Variants in SBK1 observed in about 807,000 individuals in gnomAD.
SBK1 encodes the protein SH3 domain binding kinase 1.
SBK1 carries 11 observed loss-of-function variants against 24.4 expected under a neutral mutation model. The ratio of observed to expected loss-of-function variants is 0.45; its 90% CI spans 0.28 to 0.75. The LOEUF is 0.75. Ranked by LOEUF, SBK1 falls within the 30% of genes least tolerant of loss-of-function variation. The pLI is 0.12. For synonymous variants in SBK1, 308 were observed against 284.4 expected, an observed-to-expected ratio of 1.08 and a Z score of -0.83; for missense variants, 467 against 620.5, an observed-to-expected ratio of 0.75 and a Z score of 2.63.
chr16:28,282,262 G>A (rs1031418288), intron 1 of SBK1, among the ~76,000 whole-genome samples: 2 of 152,150 alleles, frequency 1.3e-5, no homozygotes, highest in African/African-American at 4.8e-5. Context: ...CCGGAGTTGA[G>A]GAGTGCAAGA....
At chr16:28,311,186 C>T (rs1266038466) in intron 1 of SBK1, among the ~76,000 whole-genome samples, 2 of 152,154 alleles carry the variant, frequency 1.3e-5, no homozygotes, top group Admixed American at 6.5e-5. Context: ...CCAGCCCCTG[C>T]CCCTGGGGAG....
intron 1 of SBK1, among the ~76,000 whole-genome samples, chr16:28,305,558 G>C (rs1366036645): frequency 1.4e-5 from 2 of 143,520 alleles, no homozygotes; most frequent in Non-Finnish European, 3.0e-5. Context: ...TTTTTAGAGA[G>C]ACTTTCTCTG....
chr16:28,293,188 C>T lies in SBK1; in HGVS notation c.-120C>T. 1 of 985,540 alleles carries T rather than the reference C, an allele frequency of 1.0e-6. No homozygotes were observed. The highest frequency in any genetic ancestry group is 6.1e-5 in the Admixed American group (1 of 16,286). The allele number at this position is 985,540 out of a possible 1,614,324, so 61.0% of individuals were successfully genotyped here. On this transcript the variant is annotated 5_prime_UTR_variant, in exon 1 of 4. Transcript: ENST00000341901. The stretch of plus-strand genomic sequence containing the variant: ...TTGGGCGACTGAGCCCCTGGCGGCA[C>T]CGCTTGCACCCCGGTCCATGGTCGT...
intron 1 of SBK1, among the ~76,000 whole-genome samples, chr16:28,316,127 G>T (rs369099774): frequency 6.6e-6 from 1 of 152,104 alleles, no homozygotes; most frequent in African/African-American, 2.4e-5. Flanking sequence ...GGGTGGTGAG[G>T]TCGTCTGCAG....
At chr16:28,273,649 G>C (rs770416483) in intron 1 of SBK1, among the ~76,000 whole-genome samples, 6 of 151,964 alleles carry the variant, frequency 3.9e-5, no homozygotes, top group Non-Finnish European at 8.8e-5. Context: ...ACCCAGGCTG[G>C]TCTTAAACTC....
intron 1 of SBK1, among the ~76,000 whole-genome samples, chr16:28,309,295 G>T (rs1381582846): frequency 6.6e-6 from 1 of 152,224 alleles, no homozygotes; most frequent in Non-Finnish European, 1.5e-5. Context: ...CCAGTGGGGA[G>T]CCAGTCACAT....
intron 1 of SBK1, among the ~76,000 whole-genome samples, chr16:28,281,570 G>C (rs1336806635): frequency 6.6e-6 from 1 of 152,196 alleles, no homozygotes; most frequent in African/African-American, 2.4e-5. Flanking sequence ...GGACAGGCTG[G>C]GTGGCAGGGT....
chr16:28,308,954 G>C (rs2044735947), intron 1 of SBK1, among the ~76,000 whole-genome samples: 1 of 152,004 alleles, frequency 6.6e-6, no homozygotes, highest in African/African-American at 2.4e-5. Context: ...CCCCAGATCT[G>C]AGCTCTTCTG....
chr16:28,292,436 G>T (rs1357562626), upstream of SBK1: 4 of 712,508 alleles, frequency 5.6e-6, no homozygotes, highest in South Asian at 6.1e-5. Flanking sequence ...CGAGCGGGAC[G>T]GACAAAGGGG....
chr16:28,304,995 C>T (rs2044706060), intron 1 of SBK1, among the ~76,000 whole-genome samples: 1 of 152,040 alleles, frequency 6.6e-6, no homozygotes, highest in Admixed American at 6.6e-5. Context: ...CTACAATCTC[C>T]ACCTCCCGGG....
At chr16:28,260,824 C>T (rs892310806) in intron 1 of SBK1, among the ~76,000 whole-genome samples, 1 of 152,030 alleles carries the variant, frequency 6.6e-6, no homozygotes, top group Non-Finnish European at 1.5e-5. Context: ...TCTTGATGGG[C>T]GTGGGTGCAC....
intron 1 of SBK1, among the ~76,000 whole-genome samples, chr16:28,282,202 T>C (rs1274376477): frequency 3.9e-5 from 6 of 152,158 alleles, no homozygotes; most frequent in Admixed American, 3.9e-4. Context: ...GAGGAAAGTG[T>C]GCTGTGCAGG....
At chr16:28,264,839 G>T (rs868824803) in intron 1 of SBK1, among the ~76,000 whole-genome samples, 1 of 152,116 alleles carries the variant, frequency 6.6e-6, no homozygotes, top group Non-Finnish European at 1.5e-5. Flanking sequence ...AGAAGCCAGC[G>T]AGGGAGGCAG....
At chr16:28,302,986 G>A (rs1360736963) in intron 1 of SBK1, among the ~76,000 whole-genome samples, 1 of 151,646 alleles carries the variant, frequency 6.6e-6, no homozygotes, top group Non-Finnish European at 1.5e-5. Context: ...AGTGCAGTAG[G>A]GCAATCCTGG....
rs1029809838 is a variant in SBK1 at position 28,320,792 on chromosome 16, A to C, written c.1146A>C (p.Pro382=). ...CCTTGCCCGTGCCGGTGCCGGTGCC[A>C]GTGCCCGTGCCGGTGCCTGTGCCCG... The part of the protein sequence containing the change: ...SVPLPVPVPV[P]VPVPVPVPEP... The change falls in exon 4 of 4, where the codon CCA becomes CCC. Residue 382 remains proline (P), a synonymous_variant. Transcript: ENST00000341901. This position sits in a 1 kb window ranked among gnomAD's most constrained non-coding sequence, Gnocchi z 8.5. 2.1e-6 allele frequency: 3 copies of C among 1,420,352 alleles called. No homozygotes were observed. Among genetic ancestry groups the C allele is most frequent in the Middle Eastern group, 4.6e-4 (2 of 4,340 alleles). The allele number at this position is 1,420,352 out of a possible 1,614,324, so 88.0% of individuals were successfully genotyped here. A position where few individuals can be genotyped will look rare whatever the true frequency, so the allele number is the denominator to read the frequency against.
chr16:28,288,297 C>T (rs2141572454), upstream of SBK1, among the ~76,000 whole-genome samples: 1 of 152,276 alleles, frequency 6.6e-6, no homozygotes, highest in Middle Eastern at 3.4e-3. Context: ...CAGAGCCTTC[C>T]TGTGTGAACC....
intron 1 of SBK1, among the ~76,000 whole-genome samples, chr16:28,301,422 A>C (rs2044678018): frequency 6.6e-6 from 1 of 152,134 alleles, no homozygotes; most frequent in African/African-American, 2.4e-5. Context: ...CTGGGAGGGG[A>C]GGCTGAGGCA....
Position 28,320,123 on chromosome 16 carries a change from C to A in SBK1, c.477C>A (p.Gly159=). ...TGAAGCGCTGTGTGCAGCAGCTGGG[C>A]CTGGCGCTGGACTTCATGCACGGGC... ...DTVKRCVQQL[G]LALDFMHGRQ... Residue 159 remains glycine (G), a synonymous_variant, in exon 4 of 4, where the codon GGC becomes GGA. Transcript: ENST00000341901. The surrounding 1 kb of genome is among the most constrained non-coding windows in gnomAD (Gnocchi z 8.5). 6.4e-7 allele frequency: 1 copy of A among 1,571,954 alleles called. No individual in the cohort carries two copies. The highest frequency in any genetic ancestry group is 1.2e-5 in the South Asian group (1 of 86,662).
At chr16:28,263,268 T>A (rs2044408310) in intron 1 of SBK1, among the ~76,000 whole-genome samples, 2 of 152,174 alleles carry the variant, frequency 1.3e-5, no homozygotes, top group Admixed American at 1.3e-4. Context: ...CTCATGGGGT[T>A]TATATCTAAT....
Sources: allele counts gnomAD v4.1 joint callset (sites outside exome capture counted in the v4.1 genomes callset), GRCh38; gene constraint gnomAD v4.1.1; non-coding constraint Gnocchi (gnomAD v3.1); transcripts MANE v1.5; gene names NCBI Gene and HGNC (gene_info 2026-07-23, HGNC 2026-07-21).